Variants in TMPRSS6 observed in about 807,000 individuals in gnomAD.
The protein encoded by TMPRSS6 is transmembrane protease serine 6.
A neutral mutation model predicts 101.5 loss-of-function variants in TMPRSS6; 67 were observed. The ratio of observed to expected loss-of-function variants is 0.66; its 90% CI spans 0.54 to 0.81. The LOEUF (loss-of-function observed/expected upper bound fraction) is 0.81, where lower values mean the gene tolerates loss of function less well. Ranked by LOEUF, TMPRSS6 falls within the 30% of genes least tolerant of loss-of-function variation. The pLI is 0.00. For synonymous variants in TMPRSS6, 453 were observed against 464.9 expected (o/e 0.97, Z 0.33); for missense variants, 1,034 against 1,088.7 (o/e 0.95, Z 0.71).
intron 7 of TMPRSS6, 27 bp downstream of exon 7, chr22:37,089,551 C>CCA: frequency 1.5e-5 from 21 of 1,415,242 alleles, no homozygotes; most frequent in African/African-American, 2.9e-5. Context: ...CCAGCCCTCC[C>CCA]TCCTGCCCTC....
rs747397500 is a variant in TMPRSS6 at position 37,103,368 on chromosome 22, C to A, written c.50G>T (p.Gly17Val). ...PQVAGGQGDG[G>V]DGEEAEPEGM... ...CTCCGGCTCCGCTTCCTCGCCATCA[C>A]CTCCGTCCCCCTGCCCGCCAGCCAC... The change falls in exon 2 of 18, where the codon GGT becomes GTT. Residue 17 changes from glycine to valine, a missense_variant. Transcript: ENST00000676104. This position sits in a 1 kb window ranked among gnomAD's most constrained non-coding sequence, Gnocchi z 4.4. 8.1e-6 allele frequency: 13 copies of A among 1,614,204 alleles called. No homozygotes were observed. In the South Asian group the frequency reaches 1.4e-4, roughly 18 times the overall value.
In TMPRSS6 at chr22:37,075,288, G is replaced by A. The variant is rs1475822718; in HGVS notation, c.1197-8C>T. ...ATGCGCAAGCCACACAGCCTGGGGG[G>A]AGTCAGAGACGACTCAGGGCTGCAC... On this transcript the variant is annotated splice_region_variant and splice_polypyrimidine_tract_variant and intron_variant, in intron 10 of 17. Transcript: ENST00000676104. The A allele has an allele frequency of 3.7e-6, 6 of 1,613,366 alleles. No individual in the cohort carries two copies. Among genetic ancestry groups the A allele is most frequent in the Admixed American group, 1.7e-5 (1 of 60,032 alleles).
intron 10 of TMPRSS6, 72 bp downstream of exon 10, chr22:37,084,223 G>T (rs1265037113): frequency 1.5e-6 from 2 of 1,305,240 alleles, no homozygotes; most frequent in African/African-American, 1.5e-5. Context: ...CAATGAGGGG[G>T]TCACTATTGA....
At chr22:37,102,790 T>A (rs1349274186) in intron 2 of TMPRSS6, among the ~76,000 whole-genome samples, 1 of 152,154 alleles carries the variant, frequency 6.6e-6, no homozygotes, top group East Asian at 1.9e-4. Flanking sequence ...GCAGAGGCAC[T>A]AATTGGTACC....
In TMPRSS6 at chr22:37,108,352, A is replaced by G. The variant is rs574580550; in HGVS notation, c.-2+1151T>C. Among the ~76,000 whole-genome samples the G allele has an allele frequency of 5.7e-3, 861 of 152,234 alleles. 10 individuals are homozygous for G. The highest frequency in any genetic ancestry group is 0.02 in the African/African-American group (820 of 41,524). On this transcript the variant is annotated intron_variant, in intron 1 of 17. Transcript: ENST00000676104. ...TCGCAGCTCTCCCAGAGTGCCCTAG[A>G]AGGGGCGGCTGCCCCTCGCGATGTG...
chr22:37,096,044 C>T lies in TMPRSS6; in HGVS notation c.451G>A (p.Glu151Lys), dbSNP rs752163489. ...GGGCTCAGCATCAGCCGGCGGTGCT[C>T]GGGGATTTGGAGAATGAACCAGAAG... ...CFFWFILQIP[E>K]HRRLMLSPEV... Residue 151 changes from glutamate to lysine, a missense_variant, in exon 5 of 18, where the codon GAG (glutamate) becomes AAG (lysine). By Grantham distance (56) the Glu-to-Lys change is moderately conservative (BLOSUM62 1). Transcript: ENST00000676104. 57 of 1,614,036 alleles carry T rather than the reference C, an allele frequency of 3.5e-5. No individual in the cohort carries two copies. The Admixed American group carries it at 8.0e-4, about 23-fold the overall frequency.
Position 37,070,478 on chromosome 22 carries a change from G to A in TMPRSS6, c.1841+6C>T, listed in dbSNP as rs374477154. The A allele has an allele frequency of 9.9e-6, 16 of 1,613,272 alleles. No homozygotes were observed. The highest frequency in any genetic ancestry group is 6.7e-5 in the East Asian group (3 of 44,866). Reference sequence around the variant, plus strand: ...ACTGCCTAGGCCCCCACACCCTCCCGCTCACCTGTCCTCCTGGAAGCAGTG... The same window carrying A: ...ACTGCCTAGGCCCCCACACCCTCCCACTCACCTGTCCTCCTGGAAGCAGTG... On this transcript the variant is annotated splice_donor_region_variant and intron_variant, in intron 15 of 17. Coordinates refer to ENST00000676104, the MANE Select transcript of TMPRSS6 (RefSeq NM_001374504.1).
At chr22:37,095,373 C>A (rs1164251877) in intron 6 of TMPRSS6, among the ~76,000 whole-genome samples, 178 bp downstream of exon 6, 1 of 152,172 alleles carries the variant, frequency 6.6e-6, no homozygotes, top group Non-Finnish European at 1.5e-5. Flanking sequence ...TCTCCCCCTA[C>A]AGGCTCCAAG....
chr22:37,076,382 C>G (rs1274652681), intron 10 of TMPRSS6, among the ~76,000 whole-genome samples: 4 of 152,190 alleles, frequency 2.6e-5, no homozygotes, highest in Non-Finnish European at 5.9e-5. Context: ...TGGGACCACC[C>G]CCAGCTGTGG....
At chr22:37,076,798 G>A (rs1443116842) in intron 10 of TMPRSS6, among the ~76,000 whole-genome samples, 4 of 152,226 alleles carry the variant, frequency 2.6e-5, no homozygotes, top group Non-Finnish European at 5.9e-5. Flanking sequence ...TTGCAGATGG[G>A]GGAAACACAC....
At position 37,098,446 on chromosome 22, in the gene TMPRSS6, G is replaced by C. The variant is rs1199090172; in HGVS notation, c.306C>G (p.Phe102Leu). 6 of 1,613,876 alleles carry C rather than the reference G, an allele frequency of 3.7e-6. No individual in the cohort carries two copies. In the Admixed American group the frequency reaches 1.0e-4, roughly 27 times the overall value. ...QDLTRRESSAFRSETAKAQKM... is the reference protein window; with the variant it reads ...QDLTRRESSALRSETAKAQKM... The stretch of plus-strand genomic sequence containing the variant: ...TCTGGGCTTTGGCGGTTTCACTGCG[G>C]AAGGCACTAGATTCCCGGCGGGTAA... Residue 102 changes from phenylalanine to leucine, a missense_variant, in exon 3 of 18, where the codon TTC (phenylalanine) becomes TTG (leucine). Phe to Leu is a conservative substitution (Grantham distance 22). Coordinates refer to ENST00000676104, the MANE Select transcript of TMPRSS6 (RefSeq NM_001374504.1).
chr22:37,084,873 C>T (rs1479572039), intron 8 of TMPRSS6, 34 bp from the exon 9 acceptor site: 2 of 1,523,500 alleles, frequency 1.3e-6, no homozygotes, highest in East Asian at 2.5e-5. Flanking sequence ...CACAGGGGTC[C>T]CCTGGCTGCA....
chr22:37,094,781 A>G (rs1279003153), intron 6 of TMPRSS6, among the ~76,000 whole-genome samples: 1 of 152,228 alleles, frequency 6.6e-6, no homozygotes, highest in Non-Finnish European at 1.5e-5. Flanking sequence ...GGAAAGGTAT[A>G]ACAAGGATTT....
intron 10 of TMPRSS6, among the ~76,000 whole-genome samples, chr22:37,078,989 G>A (rs1185644797): frequency 1.3e-5 from 2 of 148,294 alleles, no homozygotes; most frequent in East Asian, 3.9e-4. Context: ...AAGAAAGAAA[G>A]AAAGAAAGAA....
chr22:37,107,760 G>A (rs938465058), intron 1 of TMPRSS6, among the ~76,000 whole-genome samples: 4 of 152,058 alleles, frequency 2.6e-5, no homozygotes, highest in African/African-American at 9.7e-5. Context: ...TGCTGGCCTC[G>A]TGGCTCCCTC....
intron 10 of TMPRSS6, among the ~76,000 whole-genome samples, chr22:37,078,973 AAAAGAAAGAAAG>A (rs71193296): frequency 1.9e-5 from 2 of 106,510 alleles, no homozygotes; most frequent in Non-Finnish European, 3.9e-5. Context: ...GAAAGAAAGA[AAAAGAAAGAAAG>A]AAAGAAAGAA....
Position 37,098,564 on chromosome 22 carries a change from A to G in TMPRSS6, c.203-15T>C, listed in dbSNP as rs1930033503. 1 of 1,613,954 alleles carries G rather than the reference A, an allele frequency of 6.2e-7. No homozygotes were observed. The highest frequency in any genetic ancestry group is 8.5e-7 in the Non-Finnish European group (1 of 1,179,986). ...CGCCTTGTACCCTGCCCAGGAAGGA[A>G]CCAGCAGGGTTAGTGGAGGAAGCAG... On this transcript the variant is annotated splice_polypyrimidine_tract_variant and intron_variant, in intron 2 of 17. Transcript: ENST00000676104.
chr22:37,071,391 G>A (rs914270938), intron 13 of TMPRSS6, among the ~76,000 whole-genome samples: 5 of 152,132 alleles, frequency 3.3e-5, no homozygotes, highest in Admixed American at 2.0e-4. Context: ...GGCCCTGCCC[G>A]GTTGTCCACA....
At chr22:37,085,732 C>G (rs1928687526) in intron 8 of TMPRSS6, among the ~76,000 whole-genome samples, 1 of 152,108 alleles carries the variant, frequency 6.6e-6, no homozygotes, top group African/African-American at 2.4e-5. Context: ...CAGTGGGAGA[C>G]CTGCCACACC....
Sources: gnomAD v4.1 joint callset for allele counts (sites outside exome capture counted in the v4.1 genomes callset) on GRCh38, gnomAD v4.1.1 for gene constraint, Gnocchi (gnomAD v3.1) non-coding constraint, MANE v1.5 for transcripts, NCBI Gene and HGNC (gene_info 2026-07-23, HGNC 2026-07-21) for gene names.